The following COA1 variants were observed in gnomAD, a reference collection of about 807,000 sequenced individuals.
COA1 encodes the protein cytochrome c oxidase assembly factor 1.
Under a neutral mutation model 16.0 loss-of-function variants are expected in COA1, and 13 were observed. The ratio of observed to expected loss-of-function variants is 0.81; its 90% CI spans 0.53 to 1.29. The LOEUF is 1.29. COA1 is among the 50% of genes most tolerant of loss of function. COA1 has a pLI of 0.00. For synonymous variants in COA1, 65 were observed against 65.7 expected (o/e 0.99, Z 0.05); for missense variants, 179 against 177.0 (o/e 1.01, Z -0.06).
chr7:43,686,182 A>G (rs999597851), intron 1 of COA1, among the ~76,000 whole-genome samples: 5 of 152,238 alleles, frequency 3.3e-5, no homozygotes, highest in African/African-American at 1.2e-4. Flanking sequence ...TAAAATTTCA[A>G]TTAACATAAA....
chr7:43,663,864 A>C (rs2092674074), intron 1 of COA1, among the ~76,000 whole-genome samples: 1 of 151,852 alleles, frequency 6.6e-6, no homozygotes, highest in South Asian at 2.1e-4. Flanking sequence ...TAATCCCAAC[A>C]CTTTGGGCGG....
intron 1 of COA1, among the ~76,000 whole-genome samples, chr7:43,706,416 C>T (rs1462534479): frequency 6.6e-6 from 1 of 151,964 alleles, no homozygotes; most frequent in Non-Finnish European, 1.5e-5. Context: ...GACATGGTGG[C>T]ACACACCTGT....
At chr7:43,625,020 C>T in intron 6 of COA1, 1 of 542,790 alleles carries the variant, frequency 1.8e-6, no homozygotes, top group Non-Finnish European at 3.1e-6. Context: ...AAGTTGCCAA[C>T]CAGGAGATTT....
At chr7:43,727,018 A>G (rs1323673770) in intron 1 of COA1, among the ~76,000 whole-genome samples, 2 of 152,354 alleles carry the variant, frequency 1.3e-5, no homozygotes, top group African/African-American at 2.4e-5. Context: ...GTCGCAACAC[A>G]AAGAAAAGAT....
intron 1 of COA1, among the ~76,000 whole-genome samples, chr7:43,683,588 T>G (rs2093874493): frequency 6.6e-6 from 1 of 151,962 alleles, no homozygotes; most frequent in Non-Finnish European, 1.5e-5. Flanking sequence ...GAGTCAAGAT[T>G]GCGCCACTGC....
intron 1 of COA1, among the ~76,000 whole-genome samples, chr7:43,669,728 T>C (rs2153193835): frequency 6.6e-6 from 1 of 150,828 alleles, no homozygotes; most frequent in African/African-American, 2.4e-5. Flanking sequence ...CTTCCTTCTT[T>C]CTTGCCTATT....
At chr7:43,646,303 C>A (rs986159981) in intron 3 of COA1, 5 of 307,586 alleles carry the variant, frequency 1.6e-5, no homozygotes, top group African/African-American at 1.1e-4. Context: ...AGGGTCCAGA[C>A]AGCTAATCTT....
At chr7:43,666,161 T>C (rs781160490) in intron 1 of COA1, among the ~76,000 whole-genome samples, 1 of 152,234 alleles carries the variant, frequency 6.6e-6, no homozygotes, top group Non-Finnish European at 1.5e-5. Context: ...TTAAGTTATA[T>C]ACTTATACTA....
At chr7:43,689,714 T>C (rs927210146) in intron 1 of COA1, among the ~76,000 whole-genome samples, 2 of 152,278 alleles carry the variant, frequency 1.3e-5, no homozygotes, top group Non-Finnish European at 2.9e-5. Flanking sequence ...TTATAACACA[T>C]AGTAATAAAA....
chr7:43,616,237 T>C (rs10264159), intron 6 of COA1, among the ~76,000 whole-genome samples: 85,801 of 152,058 alleles, frequency 0.56, 24,642 homozygotes, highest in Non-Finnish European at 0.63. Context: ...ATATATTGCT[T>C]TCATGGTGCA....
intron 1 of COA1, among the ~76,000 whole-genome samples, chr7:43,722,040 G>A (rs1017844966): frequency 1.3e-5 from 2 of 151,646 alleles, no homozygotes; most frequent in Non-Finnish European, 2.9e-5. Flanking sequence ...ATTTCAATGA[G>A]AGGAACAATC....
chr7:43,655,380 T>C (rs2091547878), intron 1 of COA1, among the ~76,000 whole-genome samples: 1 of 152,174 alleles, frequency 6.6e-6, no homozygotes, highest in Admixed American at 6.5e-5. Context: ...GCCGGGCATG[T>C]TGGCTCACGC....
chr7:43,680,069 A>T lies in COA1; in HGVS notation c.-38-31417T>A, dbSNP rs201983193. Among the ~76,000 whole-genome samples, 24 of 152,308 alleles carry T rather than the reference A, an allele frequency of 1.6e-4. No individual in the cohort carries two copies. The East Asian group carries it at 4.4e-3, about 28-fold the overall frequency. On this transcript the variant is annotated intron_variant, in intron 1 of 5. Coordinates refer to ENST00000223336, the MANE Select transcript of COA1 (RefSeq NM_018224.4). ...AAAGACAAGTCTAGAGATATGCTGG[A>T]AGTAGTTTGAATAAGCTTTCAAGAA...
intron 1 of COA1, among the ~76,000 whole-genome samples, chr7:43,715,903 T>C (rs575043594): frequency 6.6e-6 from 1 of 152,292 alleles, no homozygotes; most frequent in Non-Finnish European, 1.5e-5. Flanking sequence ...CGATAGTGAA[T>C]AGCCTCAAGA....
intron 6 of COA1, among the ~76,000 whole-genome samples, chr7:43,615,426 CT>C (rs1342608050): frequency 1.3e-5 from 2 of 152,196 alleles, no homozygotes; most frequent in Non-Finnish European, 2.9e-5. Flanking sequence ...ATCCACTCAC[CT>C]CGGCCTCCCA....
At chr7:43,692,723 G>C (rs1314272540) in intron 1 of COA1, among the ~76,000 whole-genome samples, 1 of 151,910 alleles carries the variant, frequency 6.6e-6, no homozygotes, top group African/African-American at 2.4e-5. Context: ...TTTACCAACA[G>C]AAAAAAGAGT....
intron 6 of COA1, among the ~76,000 whole-genome samples, chr7:43,611,614 C>T (rs1378846050): frequency 6.6e-6 from 1 of 152,116 alleles, no homozygotes; most frequent in Non-Finnish European, 1.5e-5. Flanking sequence ...ACCTTGCTTC[C>T]CTCGGGAACA....
rs748534963 is a variant in COA1, at chr7:43,640,606, T to C, written c.308A>G (p.Tyr103Cys). 2 of 1,609,044 alleles carry C rather than the reference T, an allele frequency of 1.2e-6. No homozygotes were observed. Among genetic ancestry groups the C allele is most frequent in the Admixed American group, 3.4e-5 (2 of 58,956 alleles). The change falls in exon 5 of 6, where the codon TAC (tyrosine) becomes TGC (cysteine). Residue 103 changes from tyrosine (Y) to cysteine (C), a missense_variant. Transcript: ENST00000223336. Reference protein sequence around the residue: ...VSGSKSEGLLYVHSSRGGPFQ... With the variant: ...VSGSKSEGLLCVHSSRGGPFQ... The stretch of plus-strand genomic sequence containing the variant: ...GGGGCCACCTCTGGATGAGTGGACG[T>C]AGAGAAGGCCCTCTGATTTGGATCC...
chr7:43,627,893 T>C (rs1385160802), intron 6 of COA1, among the ~76,000 whole-genome samples: 2 of 152,228 alleles, frequency 1.3e-5, no homozygotes, highest in Non-Finnish European at 2.9e-5. Context: ...TCATACAGCA[T>C]GCACCATTTG....
Sources: allele counts gnomAD v4.1 joint callset (sites outside exome capture counted in the v4.1 genomes callset), GRCh38; gene constraint gnomAD v4.1.1; transcripts MANE v1.5; gene names NCBI Gene and HGNC (gene_info 2026-07-23, HGNC 2026-07-21).